The following SNAP25 variants were observed in gnomAD, a reference collection of about 807,000 sequenced individuals.
SNAP25 encodes the protein synaptosome associated protein 25, also known as synaptosomal-associated protein 25.
A neutral mutation model predicts 28.7 loss-of-function variants in SNAP25; 3 were observed. The observed-to-expected ratio is 0.10, with a 90% CI of 0.05 to 0.27. The LOEUF (loss-of-function observed/expected upper bound fraction) is 0.27. SNAP25 is among the 10% of genes least tolerant of loss of function. SNAP25 has a pLI of 1.00. For synonymous variants in SNAP25, 61 were observed against 88.1 expected, an observed-to-expected ratio of 0.69 and a Z score of 1.72; for missense variants, 117 against 278.7, an observed-to-expected ratio of 0.42 and a Z score of 4.13.
chr20:10,281,077 A>T (rs949737313), intron 3 of SNAP25, among the ~76,000 whole-genome samples: 10 of 152,120 alleles, frequency 6.6e-5, no homozygotes, highest in Admixed American at 3.9e-4. Flanking sequence ...ATCTGGAAAA[A>T]TTTTTTTAAA....
intron 3 of SNAP25, among the ~76,000 whole-genome samples, chr20:10,281,048 A>G (rs2063770496): frequency 6.6e-6 from 1 of 152,210 alleles, no homozygotes. Context: ...GAAACGTTCT[A>G]TAAAGATTGT....
At chr20:10,250,209 T>G (rs1490147119) in intron 1 of SNAP25, among the ~76,000 whole-genome samples, 1 of 152,240 alleles carries the variant, frequency 6.6e-6, no homozygotes. Flanking sequence ...GAAAACTACT[T>G]ACTTTTTAAA....
intron 1 of SNAP25, among the ~76,000 whole-genome samples, chr20:10,227,580 T>C (rs975686784): frequency 1.2e-4 from 18 of 152,170 alleles, no homozygotes; most frequent in Non-Finnish European, 8.8e-5. Flanking sequence ...CCTAACTAGC[T>C]GCCAAACTAT....
intron 1 of SNAP25, among the ~76,000 whole-genome samples, chr20:10,254,839 G>T (rs371494258): frequency 1.6e-4 from 25 of 152,280 alleles, no homozygotes; most frequent in East Asian, 9.6e-4. Flanking sequence ...GGGCAGTCTC[G>T]GAGCCTCATG....
chr20:10,291,231 G>A (rs1417522935), intron 4 of SNAP25, among the ~76,000 whole-genome samples: 1 of 152,020 alleles, frequency 6.6e-6, no homozygotes, highest in South Asian at 2.1e-4. Flanking sequence ...ATGCCACCAC[G>A]CCCAGAAATT....
intron 1 of SNAP25, among the ~76,000 whole-genome samples, chr20:10,238,166 C>T (rs2062958049): frequency 6.6e-6 from 1 of 152,134 alleles, no homozygotes; most frequent in African/African-American, 2.4e-5. Flanking sequence ...GATCTGGTCT[C>T]GTTCCACCCA....
intron 4 of SNAP25, among the ~76,000 whole-genome samples, chr20:10,290,289 TTTAAA>T (rs1349721138): frequency 1.3e-5 from 2 of 152,214 alleles, no homozygotes; most frequent in African/African-American, 4.8e-5. Flanking sequence ...CACAATATTT[TTTAAA>T]TTAAAGGTTT....
intron 1 of SNAP25, among the ~76,000 whole-genome samples, chr20:10,251,771 A>G (rs2063233382): frequency 6.6e-6 from 1 of 152,168 alleles, no homozygotes; most frequent in Non-Finnish European, 1.5e-5. Context: ...GTTCTAGGTA[A>G]ATGAACTACA....
intron 1 of SNAP25, among the ~76,000 whole-genome samples, chr20:10,224,728 T>C (rs1356514900): frequency 1.3e-5 from 2 of 152,104 alleles, no homozygotes; most frequent in East Asian, 1.9e-4. Context: ...TAAGAAATCC[T>C]GTCTTCTTCC....
intron 7 of SNAP25, among the ~76,000 whole-genome samples, chr20:10,302,333 CTA>C (rs2064260848): frequency 6.6e-6 from 1 of 152,192 alleles, no homozygotes; most frequent in Non-Finnish European, 1.5e-5. Context: ...TCACATTCTT[CTA>C]TCAGTGAGAA....
Position 10,306,410 on chromosome 20 carries a change from GTCATTT to G in SNAP25, c.*214_*219del. The stretch of plus-strand genomic sequence containing the variant: ...TTCTTTCCAAAGGTTGTACATAGTG[GTCATTT>G]GGTGGCTCTAACTCCTTGAGGTCTT... On this transcript the variant is annotated 3_prime_UTR_variant, in exon 8 of 8. Coordinates refer to ENST00000254976, the MANE Select transcript of SNAP25 (RefSeq NM_130811.4). 1 of 447,598 alleles carries G rather than the reference GTCATTT, an allele frequency of 2.2e-6. No individual in the cohort carries two copies. The allele number at this position is 447,598 out of a possible 1,614,324, so 27.7% of individuals were successfully genotyped here. A position where few individuals can be genotyped will look rare whatever the true frequency, so the allele number is the denominator to read the frequency against.
rs978927237 is a variant in SNAP25, at chr20:10,293,675, G to T, written c.281+397G>T. Among the ~76,000 whole-genome samples, 7 of 152,172 alleles carry T rather than the reference G, an allele frequency of 4.6e-5. No homozygotes were observed. The highest frequency in any genetic ancestry group is 1.4e-4 in the African/African-American group (6 of 41,444). ...GAAGATGAGAAACACATATGCGAAG[G>T]TTTGATTTTTTCCAAAATAAAAGAG... On this transcript the variant is annotated intron_variant, in intron 5 of 7. Coordinates refer to ENST00000254976, the MANE Select transcript of SNAP25 (RefSeq NM_130811.4). The surrounding 1 kb of genome is among the most constrained non-coding windows in gnomAD (Gnocchi z 5.6).
chr20:10,246,548 G>C (rs1210450404), intron 1 of SNAP25, among the ~76,000 whole-genome samples: 1 of 152,066 alleles, frequency 6.6e-6, no homozygotes, highest in East Asian at 1.9e-4. Flanking sequence ...ATCCCCAGGG[G>C]CTCATCAGTA....
At chr20:10,222,217 T>G (rs2062647111) in intron 1 of SNAP25, among the ~76,000 whole-genome samples, 1 of 152,192 alleles carries the variant, frequency 6.6e-6, no homozygotes, top group Admixed American at 6.5e-5. Context: ...CAATAAACAA[T>G]AAGTTAATAA....
chr20:10,241,701 A>G (rs1036957938), intron 1 of SNAP25, among the ~76,000 whole-genome samples: 4 of 152,112 alleles, frequency 2.6e-5, no homozygotes, highest in Non-Finnish European at 5.9e-5. Context: ...CAGACAGTTC[A>G]TGCCAAGCCT....
chr20:10,250,856 T>C (rs1188994579), intron 1 of SNAP25, among the ~76,000 whole-genome samples: 3 of 152,222 alleles, frequency 2.0e-5, no homozygotes, highest in African/African-American at 7.2e-5. Flanking sequence ...TATTGTGTTA[T>C]AGTTACCCAT....
chr20:10,294,698 C>T (rs140699252), intron 5 of SNAP25, among the ~76,000 whole-genome samples: 4 of 151,282 alleles, frequency 2.6e-5, no homozygotes, highest in African/African-American at 4.9e-5. Context: ...GAAAGTGGCT[C>T]AGGAGTCTAG....
intron 1 of SNAP25, among the ~76,000 whole-genome samples, chr20:10,252,757 TC>T (rs1410913410): frequency 6.7e-6 from 1 of 149,148 alleles, no homozygotes; most frequent in Non-Finnish European, 1.5e-5. Context: ...AATTTTCTCA[TC>T]TTTTTTTTTT....
chr20:10,243,632 C>G (rs149597891), intron 1 of SNAP25, among the ~76,000 whole-genome samples: 132 of 152,196 alleles, frequency 8.7e-4, no homozygotes, highest in Admixed American at 1.4e-3. Flanking sequence ...TTGTTAGACT[C>G]GGGTTATGGG....
Sources: allele counts gnomAD v4.1 joint callset (sites outside exome capture counted in the v4.1 genomes callset), GRCh38; gene constraint gnomAD v4.1.1; non-coding constraint Gnocchi (gnomAD v3.1); transcripts MANE v1.5; gene names NCBI Gene and HGNC (gene_info 2026-07-23, HGNC 2026-07-21).